Variants in GBGT1 observed in about 807,000 individuals in gnomAD.
GBGT1 encodes the protein globoside alpha-1,3-N-acetylgalactosaminyltransferase 1.
Under a neutral mutation model 20.9 loss-of-function variants are expected in GBGT1, and 18 were observed. That is an observed-to-expected ratio of 0.86 (90% CI 0.60 to 1.28). The LOEUF is 1.28. Among genes scored for constraint, GBGT1 ranks in the 50% most tolerant of loss-of-function variants. The pLI, the probability that GBGT1 is intolerant of heterozygous loss-of-function variation, is 0.00. For missense variants in GBGT1, 432 were observed against 455.7 expected, an observed-to-expected ratio of 0.95 and a Z score of 0.47; for synonymous variants, 168 against 180.8, an observed-to-expected ratio of 0.93 and a Z score of 0.57.
Position 133,162,396 on chromosome 9 carries a change from A to C in GBGT1, c.17T>G (p.Leu6Arg). The C allele has an allele frequency of 6.2e-7, 1 of 1,609,018 alleles. No homozygotes were observed. The highest frequency in any genetic ancestry group is 8.5e-7 in the Non-Finnish European group (1 of 1,178,702). Residue 6 changes from leucine (L) to arginine (R), a missense_variant, in exon 2 of 7, where the codon CTG becomes CGG. Coordinates refer to ENST00000372040, the MANE Select transcript of GBGT1 (RefSeq NM_021996.6). ...CAGGCAGAACCCCAGACCCAGGGCC[A>C]GTCTCCGGCGATGCATTGCTGGGGG... MHRRR[L>R]ALGLGFCLLA...
chr9:133,163,585 G>T, intron 1 of GBGT1, 169 bp downstream of exon 1: 1 of 153,096 alleles, frequency 6.5e-6, no homozygotes, highest in South Asian at 1.9e-4. Flanking sequence ...TCCCGCGAAC[G>T]CAGAGCCCAG....
rs143563851 is a variant in GBGT1, at chr9:133,153,893, C to T, written c.728G>A (p.Arg243His). The change falls in exon 7 of 7, where the codon CGC (arginine) becomes CAC (histidine). Residue 243 changes from arginine to histidine, a missense_variant. Coordinates refer to ENST00000372040, the MANE Select transcript of GBGT1 (RefSeq NM_021996.6). ...CACAAAGGCAGTGGAAACACGCCTGCGCTCATAGGGGAACTGCTGGCGGGG... is the reference window on the plus strand; with the variant it reads ...CACAAAGGCAGTGGAAACACGCCTGTGCTCATAGGGGAACTGCTGGCGGGG... ...AVPRQQFPYERRRVSTAFVAD... is the reference protein window; with the variant it reads ...AVPRQQFPYEHRRVSTAFVAD... The T allele has an allele frequency of 8.0e-4, 1,286 of 1,604,638 alleles. 3 individuals are homozygous for T. The highest frequency in any genetic ancestry group is 6.3e-3 in the Middle Eastern group (38 of 6,026).
At chr9:133,155,784 C>T in intron 5 of GBGT1, 117 bp downstream of exon 5, 1 of 1,096,788 alleles carries the variant, frequency 9.1e-7, no homozygotes, top group South Asian at 1.3e-5. Flanking sequence ...TCCACAGTCC[C>T]TAACTCTCTG....
chr9:133,156,358 G>A (rs1172892200), intron 3 of GBGT1, among the ~76,000 whole-genome samples: 2 of 152,084 alleles, frequency 1.3e-5, no homozygotes, highest in East Asian at 3.9e-4. Context: ...TTGTCGGAAA[G>A]AAGATGTGAA....
rs375210338 is a variant in GBGT1, at chr9:133,155,185, C to T, written c.352G>A (p.Val118Met). The T allele has an allele frequency of 1.1e-5, 17 of 1,613,900 alleles. No homozygotes were observed. Among genetic ancestry groups the T allele is most frequent in the Admixed American group, 3.3e-5 (2 of 60,004 alleles). The change falls in exon 6 of 7, where the codon GTG becomes ATG. Residue 118 changes from valine (V) to methionine (M), a missense_variant. Physicochemically the swap from Val to Met is conservative, Grantham distance 21. Coordinates refer to ENST00000372040, the MANE Select transcript of GBGT1 (RefSeq NM_021996.6). The part of the protein sequence containing the change: ...NLTIGVTVFA[V>M]GKYTHFIQSF... ...CCCCAGCCCACTACTCACTTCCCCA[C>T]GGCAAACACCGTGACCCCAATGGTC...
At chr9:133,157,708 C>A (rs1832913288) in intron 3 of GBGT1, among the ~76,000 whole-genome samples, 2 of 152,240 alleles carry the variant, frequency 1.3e-5, no homozygotes, top group Non-Finnish European at 2.9e-5. Flanking sequence ...GACCCCTGGG[C>A]TCACCTCTGG....
chr9:133,157,510 C>T (rs1451553373), intron 3 of GBGT1, among the ~76,000 whole-genome samples: 5 of 152,210 alleles, frequency 3.3e-5, no homozygotes, highest in Non-Finnish European at 5.9e-5. Flanking sequence ...TTAGCCTTAG[C>T]GATGTGGTGA....
At chr9:133,158,160 CCA>C (rs1325253252) in intron 3 of GBGT1, among the ~76,000 whole-genome samples, 2 of 143,732 alleles carry the variant, frequency 1.4e-5, no homozygotes, top group African/African-American at 5.1e-5. Context: ...AAGGGAAAGG[CCA>C]CCCAGCCAGC....
intron 3 of GBGT1, among the ~76,000 whole-genome samples, chr9:133,160,531 C>T (rs1286776362): frequency 6.6e-6 from 1 of 152,090 alleles, no homozygotes; most frequent in Non-Finnish European, 1.5e-5. Flanking sequence ...CTATCCACAT[C>T]CTCCGGCCAC....
At position 133,153,881 on chromosome 9, in the gene GBGT1, G is replaced by GA; in HGVS notation, c.739dup (p.Ser247PhefsTer28). The GA allele has an allele frequency of 3.7e-6, 6 of 1,602,956 alleles. No homozygotes were observed. The highest frequency in any genetic ancestry group is 5.1e-6 in the Non-Finnish European group (6 of 1,171,638). ...TTCGCTGTCTGCCACAAAGGCAGTG[G>GA]AAACACGCCTGCGCTCATAGGGGAA... is the stretch of plus-strand genomic sequence containing the variant. On this transcript the variant is annotated frameshift_variant, in exon 7 of 7. Coordinates refer to ENST00000372040, the MANE Select transcript of GBGT1 (RefSeq NM_021996.6). LOFTEE classifies it low-confidence loss of function (END_TRUNC).
chr9:133,161,381 A>G, intron 3 of GBGT1, 86 bp downstream of exon 3: 1 of 719,614 alleles, frequency 1.4e-6, no homozygotes, highest in Non-Finnish European at 2.3e-6. Context: ...GAACCGGCAG[A>G]TGAAGTGAAC....
chr9:133,156,040 C>A lies in GBGT1; in HGVS notation c.163G>T (p.Glu55Ter), dbSNP rs780755250. Residue 55 changes from glutamate (E) to a stop codon, truncating the protein, a stop_gained, in exon 4 of 7, where the codon GAG (glutamate) becomes TAG (stop). Coordinates refer to ENST00000372040, the MANE Select transcript of GBGT1 (RefSeq NM_021996.6). LOFTEE classifies it high-confidence loss of function. ...CATACCACGGGCTGGAGTGGCTTCTCCCTCTTGTAGTGCAGCTTCATGTTG... is the reference window on the plus strand; with the variant it reads ...CATACCACGGGCTGGAGTGGCTTCTACCTCTTGTAGTGCAGCTTCATGTTG... ...IFNMKLHYKR[E>*]KPLQPVVWSQ... 1 of 1,614,092 alleles carries A rather than the reference C, an allele frequency of 6.2e-7. No homozygotes were observed. Among genetic ancestry groups the A allele is most frequent in the Non-Finnish European group, 8.5e-7 (1 of 1,179,988 alleles).
intron 3 of GBGT1, among the ~76,000 whole-genome samples, chr9:133,156,723 T>TA (rs1158394953): frequency 6.6e-6 from 1 of 151,446 alleles, no homozygotes; most frequent in Non-Finnish European, 1.5e-5. Flanking sequence ...AGCTAAGAGC[T>TA]AATTAACCTG....
Position 133,153,756 on chromosome 9 carries a change from T to A in GBGT1, c.865A>T (p.Asn289Tyr). Residue 289 changes from asparagine to tyrosine, a missense_variant, in exon 7 of 7, where the codon AAT (asparagine) becomes TAT (tyrosine). Asn to Tyr is a moderately radical substitution (Grantham distance 143). Transcript: ENST00000372040. ...CHMAILADKA[N>Y]GIMAAWREES... is the part of the protein sequence containing the mutation. Reference sequence around the variant, plus strand: ...TCCCGCCAGGCAGCCATGATGCCATTGGCCTTGTCCGCCAGGATGGCCATG... The same window carrying A: ...TCCCGCCAGGCAGCCATGATGCCATAGGCCTTGTCCGCCAGGATGGCCATG... 6.2e-7 allele frequency: 1 copy of A among 1,612,362 alleles called. No homozygotes were observed. The highest frequency in any genetic ancestry group is 8.5e-7 in the Non-Finnish European group (1 of 1,179,180).
intron 3 of GBGT1, 58 bp downstream of exon 3, chr9:133,161,409 T>C: frequency 9.6e-7 from 1 of 1,038,076 alleles, no homozygotes; most frequent in South Asian, 1.5e-5. Flanking sequence ...CTCTCCTGTC[T>C]CCCCAACTGT....
chr9:133,156,603 T>G (rs1056963396), intron 3 of GBGT1, among the ~76,000 whole-genome samples: 3 of 150,702 alleles, frequency 2.0e-5, no homozygotes, highest in African/African-American at 7.4e-5. Context: ...GAGGTTGCAG[T>G]GAGCCGAGAT....
In GBGT1 at chr9:133,153,692, G is replaced by A. The variant is rs190265395; in HGVS notation, c.929C>T (p.Pro310Leu). Residue 310 changes from proline (P) to leucine (L), a missense_variant, in exon 7 of 7, where the codon CCG (proline) becomes CTG (leucine). Physicochemically the swap from Pro to Leu is moderately conservative, Grantham distance 98 (BLOSUM62 -3). Transcript: ENST00000372040. ...HLNRHFISNK[P>L]SKVLSPEYLW... is the part of the protein sequence containing the mutation. ...GTACTCGGGGGACAGCACCTTGGACGGCTTGTTTGAGATGAAGTGACGGTT... is the reference window on the plus strand; with the variant it reads ...GTACTCGGGGGACAGCACCTTGGACAGCTTGTTTGAGATGAAGTGACGGTT... 1.2e-5 allele frequency: 20 copies of A among 1,613,786 alleles called. No homozygotes were observed. The highest frequency in any genetic ancestry group is 3.3e-5 in the South Asian group (3 of 91,044).
intron 2 of GBGT1, 53 bp downstream of exon 2, chr9:133,162,289 G>C: frequency 9.8e-7 from 1 of 1,021,200 alleles, no homozygotes; most frequent in Non-Finnish European, 1.5e-6. Flanking sequence ...ATAGAGACAG[G>C]GGGAGTCCTG....
chr9:133,162,504 G>T lies in GBGT1; in HGVS notation c.-92C>A. ...TCCCCTCGCAGGGATGTCAGGCTCTGAGCCTGGTCTCTGAGGTCCCAGGAA... is the reference window on the plus strand; with the variant it reads ...TCCCCTCGCAGGGATGTCAGGCTCTTAGCCTGGTCTCTGAGGTCCCAGGAA... On this transcript the variant is annotated 5_prime_UTR_variant, in exon 2 of 7. Transcript: ENST00000372040. 2 of 1,050,596 alleles carry T rather than the reference G, an allele frequency of 1.9e-6. No homozygotes were observed. The highest frequency in any genetic ancestry group is 2.9e-6 in the Non-Finnish European group (2 of 690,914). 65.1% of individuals were successfully genotyped at this position (1,050,596 alleles called of 1,614,324 possible).
Sources: gnomAD v4.1 joint callset for allele counts (sites outside exome capture counted in the v4.1 genomes callset) on GRCh38, gnomAD v4.1.1 for gene constraint, MANE v1.5 for transcripts, NCBI Gene and HGNC (gene_info 2026-07-23, HGNC 2026-07-21) for gene names.